Variants in MYO16 observed in about 807,000 individuals in gnomAD.
MYO16 encodes the protein myosin XVI.
In MYO16, 94 loss-of-function variants were observed where a neutral mutation model predicts 205.3. The observed-to-expected ratio is 0.46, with a 90% CI of 0.39 to 0.54. MYO16 has a LOEUF of 0.54. Among genes scored for constraint, MYO16 ranks in the 20% least tolerant of loss-of-function variants. The probability of loss-of-function intolerance (pLI) is 0.00; values close to 1 mark genes in which losing one functional copy is unlikely to be tolerated. For missense variants in MYO16, 2,315 were observed against 2,387.5 expected (o/e 0.97, Z 0.63); for synonymous variants, 988 against 954.0 (o/e 1.04, Z -0.66).
At chr13:108,591,699 C>A (rs895076245), upstream of MYO16, among the ~76,000 whole-genome samples, 2 of 152,134 alleles carry the variant, frequency 1.3e-5, no homozygotes, top group Non-Finnish European at 2.9e-5. Context: ...TTTATGTTAA[C>A]TGTTTTCTCT....
rs568429060 is a variant in MYO16 at position 108,623,392 on chromosome 13, A to G, written c.-39+27153A>G. Among the ~76,000 whole-genome samples, 3 of 152,304 alleles carry G rather than the reference A, an allele frequency of 2.0e-5. No homozygotes were observed. The South Asian group carries it at 6.2e-4, about 32-fold the overall frequency. On this transcript the variant is annotated intron_variant, in intron 1 of 24. Transcript: ENST00000251041. ...GGAACCTCTCTAGTGACTATATTGT[A>G]TCCATTGTCACTCAAAGAAAATTAG...
Position 109,144,552 on chromosome 13 carries a change from C to T in MYO16, c.5164+3176C>T, listed in dbSNP as rs551250901. 2.6e-5 allele frequency among the ~76,000 whole-genome samples: 4 copies of T among 152,258 alleles called. No individual in the cohort carries two copies. In the East Asian group the frequency reaches 5.8e-4, roughly 22 times the overall value. On this transcript the variant is annotated intron_variant, in intron 32 of 34. Transcript: ENST00000457511. ...ATTTTCTTCTGAATGAATTCAATGA[C>T]TTTTATGGAATTTCTTTCAAGTTTT...
At chr13:109,182,502 A>G (rs543123876) in intron 34 of MYO16, among the ~76,000 whole-genome samples, 1 of 152,210 alleles carries the variant, frequency 6.6e-6, no homozygotes, top group Non-Finnish European at 1.5e-5. Context: ...CCCACTCGCC[A>G]GACCTTTTTG....
chr13:108,964,679 T>A, intron 19 of MYO16, 82 bp from the exon 20 acceptor site: 1 of 1,412,378 alleles, frequency 7.1e-7, no homozygotes, highest in Non-Finnish European at 9.7e-7. Flanking sequence ...TGTGGGGAAT[T>A]AATAGGATAT....
intron 7 of MYO16, among the ~76,000 whole-genome samples, chr13:108,812,356 A>G (rs1459787057): frequency 4.6e-5 from 7 of 152,192 alleles, no homozygotes; most frequent in Non-Finnish European, 2.9e-5. Context: ...AAATATCATC[A>G]TATCTCAGAC....
intron 16 of MYO16, among the ~76,000 whole-genome samples, chr13:108,916,363 C>T (rs973076152): frequency 6.6e-6 from 1 of 152,202 alleles, no homozygotes; most frequent in Non-Finnish European, 1.5e-5. Context: ...AGATCTGAAT[C>T]CAGGCCCTGC....
At chr13:108,521,633 A>G in the MYO16 span, among the ~76,000 whole-genome samples, 55 of 152,320 alleles carry the variant, frequency 3.6e-4, no homozygotes, top group Middle Eastern at 6.8e-3. Context: ...ATTCAAACTG[A>G]TAAGTGTGCT....
At chr13:108,706,039 G>T (rs1418028773) in intron 2 of MYO16, among the ~76,000 whole-genome samples, 1 of 152,058 alleles carries the variant, frequency 6.6e-6, no homozygotes, top group Non-Finnish European at 1.5e-5. Flanking sequence ...TGAAATATAA[G>T]ATCAAGAGAA....
intron 27 of MYO16, among the ~76,000 whole-genome samples, chr13:109,088,447 T>C (rs989939380): frequency 6.6e-6 from 1 of 152,184 alleles, no homozygotes; most frequent in African/African-American, 2.4e-5. Context: ...GTAAGAGAAC[T>C]CGAGAGTATT....
chr13:108,963,221 A>G (rs1009364240), intron 19 of MYO16, among the ~76,000 whole-genome samples: 24 of 152,138 alleles, frequency 1.6e-4, no homozygotes, highest in African/African-American at 5.8e-4. Flanking sequence ...CATTCATCTA[A>G]TCTTTTTTCT....
Position 108,629,842 on chromosome 13 carries a change from A to G in MYO16, c.-3A>G, listed in dbSNP as rs1443110578. On this transcript the variant is annotated 5_prime_UTR_variant, in exon 1 of 35. Coordinates refer to ENST00000457511, the MANE Select transcript of MYO16 (RefSeq NM_001198950.3). Reference sequence around the variant, plus strand: ...TAGCAAGATTCCTGTCTGAGATGGAAAGATGTCTCACTATCATTTTATCAA... The same window carrying G: ...TAGCAAGATTCCTGTCTGAGATGGAGAGATGTCTCACTATCATTTTATCAA... 4 of 1,530,128 alleles carry G rather than the reference A, an allele frequency of 2.6e-6. No homozygotes were observed. Among genetic ancestry groups the G allele is most frequent in the Admixed American group, 2.0e-5 (1 of 50,920 alleles). The allele number at this position is 1,530,128 out of a possible 1,614,324, so 94.8% of individuals were successfully genotyped here. A position where few individuals can be genotyped will look rare whatever the true frequency, so the allele number is the denominator to read the frequency against.
intron 16 of MYO16, among the ~76,000 whole-genome samples, chr13:108,947,881 A>G (rs886989006): frequency 1.3e-5 from 2 of 152,226 alleles, no homozygotes; most frequent in African/African-American, 4.8e-5. Flanking sequence ...GTAATTTGTT[A>G]AAAGGATTCT....
chr13:109,163,278 T>G (rs1878474877), intron 32 of MYO16, among the ~76,000 whole-genome samples: 1 of 152,068 alleles, frequency 6.6e-6, no homozygotes. Flanking sequence ...AGGGCTTGAG[T>G]GCACCAAAGC....
At chr13:108,637,438 A>G (rs2139370423) in intron 1 of MYO16, among the ~76,000 whole-genome samples, 1 of 152,344 alleles carries the variant, frequency 6.6e-6, no homozygotes, top group Admixed American at 6.5e-5. Flanking sequence ...AACTTAACTG[A>G]TAGACCTGGA....
At chr13:109,094,310 A>C (rs1888709881) in intron 27 of MYO16, among the ~76,000 whole-genome samples, 2 of 152,184 alleles carry the variant, frequency 1.3e-5, no homozygotes, top group South Asian at 4.1e-4. Flanking sequence ...TCCTGGGCTC[A>C]ATCCATCCTC....
chr13:108,805,958 A>AAAT (rs372498138), intron 6 of MYO16, among the ~76,000 whole-genome samples: 2 of 151,694 alleles, frequency 1.3e-5, no homozygotes, highest in Non-Finnish European at 2.9e-5. Flanking sequence ...ATAAATAAAT[A>AAAT]AAATTAGCTG....
chr13:108,769,271 G>A (rs1188452963), intron 4 of MYO16, among the ~76,000 whole-genome samples: 1 of 152,206 alleles, frequency 6.6e-6, no homozygotes, highest in Non-Finnish European at 1.5e-5. Context: ...GACACCCTTG[G>A]TGGCACCAGG....
chr13:108,611,977 T>C (rs1004591369), intron 1 of MYO16, among the ~76,000 whole-genome samples: 42 of 82,874 alleles, frequency 5.1e-4, no homozygotes, highest in Admixed American at 9.1e-4. Context: ...TTTTTCTTTT[T>C]TTTTTTTTTT....
At chr13:109,117,962 A>G (rs573763313) in intron 28 of MYO16, among the ~76,000 whole-genome samples, 3 of 152,206 alleles carry the variant, frequency 2.0e-5, no homozygotes, top group East Asian at 1.9e-4. Flanking sequence ...GTAGCCACCA[A>G]TTACAGATGT....
Sources: gnomAD v4.1 joint callset for allele counts (sites outside exome capture counted in the v4.1 genomes callset) on GRCh38, gnomAD v4.1.1 for gene constraint, MANE v1.5 for transcripts, NCBI Gene and HGNC (gene_info 2026-07-23, HGNC 2026-07-21) for gene names.